The following B3GALT1 variants were observed in gnomAD, a reference collection of about 807,000 sequenced individuals.
B3GALT1 encodes the protein UDP-Gal:betaGlcNAc beta 1,3-galactosyltransferase, polypeptide 1.
In B3GALT1, 10 loss-of-function variants were observed where a neutral mutation model predicts 23.2. The ratio of observed to expected loss-of-function variants is 0.43; its 90% CI spans 0.27 to 0.73. The LOEUF is 0.73. B3GALT1 is among the 30% of genes least tolerant of loss of function. B3GALT1 has a pLI of 0.21. For synonymous variants in B3GALT1, 156 were observed against 141.5 expected, an observed-to-expected ratio of 1.10 and a Z score of -0.73; for missense variants, 299 against 405.4, an observed-to-expected ratio of 0.74 and a Z score of 2.25.
At chr2:167,309,607 A>G (rs900970667) in intron 1 of B3GALT1, among the ~76,000 whole-genome samples, 2 of 152,076 alleles carry the variant, frequency 1.3e-5, no homozygotes, top group Non-Finnish European at 2.9e-5. Context: ...TTTAAAACAT[A>G]TAGCATCTGT....
chr2:167,557,908 T>C (rs2105385670), intron 2 of B3GALT1, among the ~76,000 whole-genome samples: 1 of 152,320 alleles, frequency 6.6e-6, no homozygotes, highest in South Asian at 2.1e-4. Context: ...CTTTGCAAAC[T>C]GTGAGATTTC....
chr2:167,316,297 A>G (rs1422272682), intron 1 of B3GALT1, among the ~76,000 whole-genome samples: 1 of 152,250 alleles, frequency 6.6e-6, no homozygotes, highest in East Asian at 1.9e-4. Context: ...TCAACTCACA[A>G]AAACCTTTAC....
chr2:167,617,225 C>A (rs1352455601), intron 2 of B3GALT1, among the ~76,000 whole-genome samples: 1 of 151,998 alleles, frequency 6.6e-6, no homozygotes, highest in Non-Finnish European at 1.5e-5. Flanking sequence ...ACATTAAAGG[C>A]AGAAAAAATA....
intron 2 of B3GALT1, among the ~76,000 whole-genome samples, chr2:167,638,849 G>A (rs1685604860): frequency 6.6e-6 from 1 of 151,990 alleles, no homozygotes. Flanking sequence ...AGTAAGAAGA[G>A]CACCAATCTG....
At chr2:167,448,242 A>C (rs535235925) in intron 1 of B3GALT1, among the ~76,000 whole-genome samples, 4 of 152,276 alleles carry the variant, frequency 2.6e-5, no homozygotes, top group African/African-American at 9.6e-5. Context: ...TCCTACCAGC[A>C]GTGGAAAAGT....
rs572471228 is a variant in B3GALT1 at position 167,821,043 on chromosome 2, A to T, written c.-230+2250A>T. ...ATGTGTGCTATTGATATGATAATGC[A>T]ATCCTAATGCCTTCCCAAGAGCTAA... On this transcript the variant is annotated intron_variant, in intron 4 of 4. Transcript: ENST00000392690. 2.6e-5 allele frequency among the ~76,000 whole-genome samples: 4 copies of T among 152,310 alleles called. No homozygotes were observed. In the East Asian group the frequency reaches 7.7e-4, roughly 29 times the overall value.
At chr2:167,515,618 T>C (rs546762927) in intron 2 of B3GALT1, among the ~76,000 whole-genome samples, 3 of 152,248 alleles carry the variant, frequency 2.0e-5, no homozygotes, top group African/African-American at 7.2e-5. Flanking sequence ...ACTTCCATTA[T>C]TGTTTGTCAG....
intron 3 of B3GALT1, among the ~76,000 whole-genome samples, chr2:167,733,650 C>T (rs1452176322): frequency 6.6e-6 from 1 of 152,170 alleles, no homozygotes; most frequent in Non-Finnish European, 1.5e-5. Flanking sequence ...AGCAGAGGCA[C>T]AGAGAGGCTC....
intron 1 of B3GALT1, among the ~76,000 whole-genome samples, chr2:167,450,196 AGCTGTGAATCT>A (rs1036178338): frequency 1.3e-5 from 2 of 150,588 alleles, no homozygotes; most frequent in Admixed American, 1.3e-4. Context: ...GAAAGAATTC[AGCTGTGAATCT>A]GCCTTGTCCT....
chr2:167,294,326 C>T lies in B3GALT1; in HGVS notation c.-511+992C>T, dbSNP rs541234903. On this transcript the variant is annotated intron_variant, in intron 1 of 4. Transcript: ENST00000392690. ...CATCAGACCTAGGACACGTTAACCA[C>T]GCAGAGTAACCAGGTTAGGGTACCC... Among the ~76,000 whole-genome samples the T allele has an allele frequency of 3.3e-5, 5 of 152,370 alleles. No homozygotes were observed. The East Asian group carries it at 9.6e-4, about 29-fold the overall frequency.
At chr2:167,734,084 C>G (rs1687454551) in intron 3 of B3GALT1, among the ~76,000 whole-genome samples, 2 of 152,140 alleles carry the variant, frequency 1.3e-5, no homozygotes, top group South Asian at 4.1e-4. Flanking sequence ...GTCACTTTCC[C>G]TGTGCACAGG....
chr2:167,591,862 G>A (rs998682150), intron 2 of B3GALT1, among the ~76,000 whole-genome samples: 7 of 152,130 alleles, frequency 4.6e-5, no homozygotes, highest in Non-Finnish European at 1.0e-4. Context: ...ATATCCACCA[G>A]TAGGGAAGCT....
chr2:167,861,240 T>TG (rs1690093293), intron 4 of B3GALT1, among the ~76,000 whole-genome samples: 1 of 152,220 alleles, frequency 6.6e-6, no homozygotes, highest in South Asian at 2.1e-4. Context: ...AAGTTAGGCT[T>TG]GGCTAATCTA....
intron 1 of B3GALT1, among the ~76,000 whole-genome samples, chr2:167,466,216 A>G (rs1699342203): frequency 6.6e-6 from 1 of 152,228 alleles, no homozygotes; most frequent in South Asian, 2.1e-4. Flanking sequence ...CTGAAAAGAC[A>G]TAAGATGCTA....
intron 4 of B3GALT1, among the ~76,000 whole-genome samples, chr2:167,842,704 T>C (rs889101973): frequency 6.6e-6 from 1 of 152,018 alleles, no homozygotes; most frequent in East Asian, 1.9e-4. Context: ...CGAAACTCCG[T>C]CTCTACAAAA....
chr2:167,512,534 GTATATATATATGTATATATATGTA>G (rs1700023304), intron 2 of B3GALT1, among the ~76,000 whole-genome samples: 1 of 100,538 alleles, frequency 9.9e-6, no homozygotes, highest in Non-Finnish European at 1.8e-5. Flanking sequence ...ATGTGTGTGT[GTATATATATATGTATATATATGTA>G]TATATATATG....
intron 1 of B3GALT1, among the ~76,000 whole-genome samples, chr2:167,436,504 C>CAA (rs1329787741): frequency 4.6e-5 from 7 of 152,160 alleles, no homozygotes; most frequent in Non-Finnish European, 8.8e-5. Context: ...GTCTTCATTG[C>CAA]TGTTAGTTAC....
chr2:167,565,801 A>G (rs540323638), intron 2 of B3GALT1, among the ~76,000 whole-genome samples: 53 of 152,244 alleles, frequency 3.5e-4, no homozygotes, highest in African/African-American at 1.2e-3. Flanking sequence ...CCACAATGAG[A>G]TACCATCTCA....
chr2:167,648,086 C>T (rs904240197), intron 3 of B3GALT1, among the ~76,000 whole-genome samples: 1 of 152,134 alleles, frequency 6.6e-6, no homozygotes, highest in East Asian at 1.9e-4. Context: ...GTAATCTTTT[C>T]TTTCAGTCTC....
Sources: allele counts gnomAD v4.1 joint callset (sites outside exome capture counted in the v4.1 genomes callset), GRCh38; gene constraint gnomAD v4.1.1; transcripts MANE v1.5; gene names NCBI Gene and HGNC (gene_info 2026-07-23, HGNC 2026-07-21).